VIL1: variants seen among roughly 807,000 people sequenced by gnomAD.
VIL1 encodes villin 1.
Under a neutral mutation model 104.0 loss-of-function variants are expected in VIL1, and 86 were observed. The observed-to-expected ratio is 0.83, with a 90% CI of 0.69 to 0.99. The LOEUF is 0.99. Among genes scored for constraint, VIL1 ranks in the 50% least tolerant of loss-of-function variants. The probability of loss-of-function intolerance (pLI) is 0.00; values close to 1 mark genes in which losing one functional copy is unlikely to be tolerated. For synonymous variants in VIL1, 394 were observed against 412.6 expected (o/e 0.95, Z 0.55); for missense variants, 944 against 1,054.1 (o/e 0.90, Z 1.45).
chr2:218,429,861 C>T lies in VIL1; in HGVS notation c.862C>T (p.Leu288=), dbSNP rs1262805217. ...CTCCCGACTCTAGGACTGTTACATCCTGGACCAGGGGGGCCTGAAGATCTA... is the reference window on the plus strand; with the variant it reads ...CTCCCGACTCTAGGACTGTTACATCTTGGACCAGGGGGGCCTGAAGATCTA... ...DLLSHEDCYI[L]DQGGLKIYVW... is the part of the protein sequence containing the mutation. Residue 288 remains leucine, a synonymous_variant, in exon 9 of 20, where the codon CTG becomes TTG. Coordinates refer to ENST00000248444, the MANE Select transcript of VIL1 (RefSeq NM_007127.3). The T allele has an allele frequency of 6.2e-7, 1 of 1,613,444 alleles. No homozygotes were observed. The highest frequency in any genetic ancestry group is 8.5e-7 in the Non-Finnish European group (1 of 1,179,790).
At chr2:218,441,006 GGAGGAGA>G in intron 19 of VIL1, 144 bp downstream of exon 19, 1 of 965,320 alleles carries the variant, frequency 1.0e-6, no homozygotes, top group Non-Finnish European at 1.5e-6. Flanking sequence ...TTATATCCCA[GGAGGAGA>G]GAGATCAGAG....
At chr2:218,429,057 G>A (rs553763026) in intron 6 of VIL1, among the ~76,000 whole-genome samples, 3 of 152,296 alleles carry the variant, frequency 2.0e-5, no homozygotes, top group Non-Finnish European at 2.9e-5. Context: ...CAGCAAGCCC[G>A]CTTGAGCACC....
chr2:218,450,719 G>C lies in VIL1; in HGVS notation c.*1383G>C, dbSNP rs190373350. The C allele has an allele frequency of 1.3e-5, 2 of 152,302 alleles. No homozygotes were observed. The highest frequency in any genetic ancestry group is 1.3e-4 in the Admixed American group (2 of 15,292). 9.4% of individuals were successfully genotyped at this position (152,302 alleles called of 1,614,324 possible). A position where few individuals can be genotyped will look rare whatever the true frequency, so the allele number is the denominator to read the frequency against. On this transcript the variant is annotated 3_prime_UTR_variant, in exon 20 of 20. Coordinates refer to ENST00000248444, the MANE Select transcript of VIL1 (RefSeq NM_007127.3). Reference sequence around the variant, plus strand: ...ACTGTTCTTCTTTGTTCTGGCATCTGACTGGACCAACCTGGAACCTGGTCC... The same window carrying C: ...ACTGTTCTTCTTTGTTCTGGCATCTCACTGGACCAACCTGGAACCTGGTCC...
intron 17 of VIL1, among the ~76,000 whole-genome samples, chr2:218,437,803 T>C (rs1689221539): frequency 6.6e-6 from 1 of 152,166 alleles, no homozygotes; most frequent in South Asian, 2.1e-4. Context: ...GTGTGGTCCT[T>C]ACCTGAGGGA....
chr2:218,438,178 A>T (rs1689227664), intron 17 of VIL1, among the ~76,000 whole-genome samples: 1 of 151,884 alleles, frequency 6.6e-6, no homozygotes, highest in African/African-American at 2.4e-5. Flanking sequence ...TCATTCATTC[A>T]TTCATTCATT....
Position 218,450,134 on chromosome 2 carries a change from G to A in VIL1, c.*798G>A, listed in dbSNP as rs529734223. ...ATTCTGTTCCTTTTAAGAAGTAACA[G>A]TGCTGCAAGGAAGTCCATGTCAGAA... is the stretch of plus-strand genomic sequence containing the variant. On this transcript the variant is annotated 3_prime_UTR_variant, in exon 20 of 20. Transcript: ENST00000248444. The A allele has an allele frequency of 2.0e-5, 3 of 152,202 alleles. No homozygotes were observed. Among genetic ancestry groups the A allele is most frequent in the Non-Finnish European group, 4.4e-5 (3 of 68,048 alleles). 9.4% of individuals were successfully genotyped at this position (152,202 alleles called of 1,614,324 possible).
intron 19 of VIL1, among the ~76,000 whole-genome samples, chr2:218,444,199 A>AC (rs1440173700): frequency 1.3e-5 from 2 of 151,148 alleles, no homozygotes; most frequent in Non-Finnish European, 2.9e-5. Flanking sequence ...CAAACTCCTG[A>AC]CCTCAGGTGA....
In VIL1 at chr2:218,435,280, T is replaced by C. The variant is rs1313534597; in HGVS notation, c.1681-9T>C. The C allele has an allele frequency of 6.2e-7, 1 of 1,611,634 alleles. No individual in the cohort carries two copies. Among genetic ancestry groups the C allele is most frequent in the Non-Finnish European group, 8.5e-7 (1 of 1,178,392 alleles). ...GCACTAGAAATTAGCCAACTCTTTT[T>C]TTTCCTAGGGTTGTAGCGGGGACGA... is the stretch of plus-strand genomic sequence containing the variant. On this transcript the variant is annotated splice_polypyrimidine_tract_variant and intron_variant, in intron 14 of 19. Transcript: ENST00000248444.
chr2:218,422,769 G>A (rs1688919397), intron 1 of VIL1, among the ~76,000 whole-genome samples: 1 of 152,180 alleles, frequency 6.6e-6, no homozygotes, highest in Non-Finnish European at 1.5e-5. Flanking sequence ...ATCAGTTCAA[G>A]GAGCATTCAT....
At chr2:218,436,745 C>A in intron 16 of VIL1, 119 bp downstream of exon 16, 2 of 1,311,536 alleles carry the variant, frequency 1.5e-6, no homozygotes, top group East Asian at 2.3e-5. Flanking sequence ...TAATTTCTCC[C>A]TGGAAATGGT....
rs1262902964 is a variant in VIL1 at position 218,436,336 on chromosome 2, G to A, written c.1827-146G>A. ...TCCTCAGAGCACTCTTGGAATGAGA[G>A]GGGACCCTTTTATCAATCAGAAGAT... On this transcript the variant is annotated intron_variant, in intron 15 of 19. Coordinates refer to ENST00000248444, the MANE Select transcript of VIL1 (RefSeq NM_007127.3). 1.6e-5 allele frequency: 17 copies of A among 1,087,204 alleles called. No homozygotes were observed. The East Asian group carries it at 4.1e-4, about 26-fold the overall frequency. The allele number at this position is 1,087,204 out of a possible 1,614,324, so 67.3% of individuals were successfully genotyped here. A position where few individuals can be genotyped will look rare whatever the true frequency, so the allele number is the denominator to read the frequency against.
intron 15 of VIL1, 80 bp downstream of exon 15, chr2:218,435,514 A>C (rs774768122): frequency 1.4e-5 from 21 of 1,538,836 alleles, no homozygotes; most frequent in Non-Finnish European, 1.8e-5. Context: ...CCCAGAGCCT[A>C]CAGCAGGCAT....
intron 16 of VIL1, 41 bp from the exon 17 acceptor site, chr2:218,437,083 A>G (rs1442952570): frequency 4.4e-6 from 7 of 1,595,982 alleles, no homozygotes; most frequent in Admixed American, 1.7e-5. Context: ...TGGGCCAGGG[A>G]GGACAGGAAG....
At chr2:218,447,340 G>T (rs573410215) in intron 19 of VIL1, among the ~76,000 whole-genome samples, 13 of 152,212 alleles carry the variant, frequency 8.5e-5, no homozygotes, top group African/African-American at 2.6e-4. Context: ...TTGAGACAGG[G>T]TCTTTCTTGT....
At chr2:218,425,549 G>A (rs1688967064) in intron 3 of VIL1, 66 bp from the exon 4 acceptor site, 1 of 1,541,564 alleles carries the variant, frequency 6.5e-7, no homozygotes, top group Admixed American at 1.7e-5. Flanking sequence ...TGTGTGGGAG[G>A]TCACACAGAG....
chr2:218,432,331 C>T, intron 12 of VIL1, 148 bp downstream of exon 12: 1 of 1,227,494 alleles, frequency 8.1e-7, no homozygotes, highest in Non-Finnish European at 1.1e-6. Flanking sequence ...GCTATGAGGT[C>T]CCGCTAGTAC....
intron 14 of VIL1, among the ~76,000 whole-genome samples, chr2:218,434,959 C>T (rs553902067): frequency 6.6e-6 from 1 of 152,342 alleles, no homozygotes; most frequent in African/African-American, 2.4e-5. Context: ...CTCTGGCCAC[C>T]TCCATCTGTC....
Position 218,449,795 on chromosome 2 carries a change from G to C in VIL1, c.*459G>C, listed in dbSNP as rs1214964162. ...TATACTTTCCTTACTGCCTTACTCAGTGGGTAAGTTAAAGGGCTGAAGGAG... is the reference window on the plus strand; with the variant it reads ...TATACTTTCCTTACTGCCTTACTCACTGGGTAAGTTAAAGGGCTGAAGGAG... On this transcript the variant is annotated 3_prime_UTR_variant, in exon 20 of 20. Coordinates refer to ENST00000248444, the MANE Select transcript of VIL1 (RefSeq NM_007127.3). The C allele has an allele frequency of 1.2e-5, 2 of 166,996 alleles. 1 individual carries two copies. 10.3% of individuals were successfully genotyped at this position (166,996 alleles called of 1,614,324 possible).
rs776017023 is a variant in VIL1 at position 218,434,555 on chromosome 2, G to T, written c.1530G>T (p.Glu510Asp). 1.2e-6 allele frequency: 2 copies of T among 1,613,424 alleles called. No individual in the cohort carries two copies. Among genetic ancestry groups the T allele is most frequent in the Admixed American group, 3.3e-5 (2 of 59,812 alleles). Residue 510 changes from glutamate (E) to aspartate (D), a missense_variant, in exon 14 of 20, where the codon GAG (glutamate) becomes GAT (aspartate). Transcript: ENST00000248444. The part of the protein sequence containing the change: ...QGGTSRTNNL[E>D]TGPSTRLFQV... ...GCACCTCCCGAACTAACAACTTGGA[G>T]ACCGGGCCCTCCACACGGCTGTTCC...
Sources: gnomAD v4.1 joint callset for allele counts (sites outside exome capture counted in the v4.1 genomes callset) on GRCh38, gnomAD v4.1.1 for gene constraint, MANE v1.5 for transcripts, NCBI Gene and HGNC (gene_info 2026-07-23, HGNC 2026-07-21) for gene names.